AGTPBP1: variants seen among roughly 807,000 people sequenced by gnomAD.
The protein encoded by AGTPBP1 is ATP/GTP binding carboxypeptidase 1.
In AGTPBP1, 70 loss-of-function variants were observed where a neutral mutation model predicts 143.9. The ratio of observed to expected loss-of-function variants is 0.49; its 90% CI spans 0.40 to 0.59. AGTPBP1 has a LOEUF of 0.59. Ranked by LOEUF, AGTPBP1 falls within the 20% of genes least tolerant of loss-of-function variation. The pLI, the probability that AGTPBP1 is intolerant of heterozygous loss-of-function variation, is 0.00. For missense variants in AGTPBP1, 1,229 were observed against 1,464.5 expected, an observed-to-expected ratio of 0.84 and a Z score of 2.62; for synonymous variants, 463 against 500.2, an observed-to-expected ratio of 0.93 and a Z score of 0.99.
chr9:85,562,820 T>A (rs962149911), intron 25 of AGTPBP1, among the ~76,000 whole-genome samples: 4 of 152,120 alleles, frequency 2.6e-5, no homozygotes, highest in Admixed American at 6.5e-5. Context: ...AATATTTACA[T>A]CCCCCCTCCC....
the AGTPBP1 span, among the ~76,000 whole-genome samples, chr9:85,758,660 A>G: frequency 6.6e-6 from 1 of 152,170 alleles, no homozygotes; most frequent in East Asian, 1.9e-4. Context: ...AAAGGGTCAG[A>G]GGATAAAGTT....
intron 1 of AGTPBP1, chr9:85,741,276 G>A (rs1367707638): frequency 1.0e-6 from 1 of 985,300 alleles, no homozygotes; most frequent in Non-Finnish European, 1.2e-6. Flanking sequence ...ATCCCACCTT[G>A]CTGGCGCTCA....
chr9:85,697,555 C>G (rs1398039373), intron 2 of AGTPBP1, among the ~76,000 whole-genome samples: 2 of 149,030 alleles, frequency 1.3e-5, no homozygotes, highest in Non-Finnish European at 3.0e-5. Context: ...CGGGTTCACG[C>G]CATTCTCCTG....
chr9:85,666,626 A>G (rs907014160), intron 8 of AGTPBP1, among the ~76,000 whole-genome samples: 4 of 152,114 alleles, frequency 2.6e-5, no homozygotes, highest in African/African-American at 7.2e-5. Flanking sequence ...ACTGATTTCC[A>G]TAAGGTTTTG....
the AGTPBP1 span, among the ~76,000 whole-genome samples, chr9:85,750,739 A>G: frequency 6.6e-6 from 1 of 152,106 alleles, no homozygotes; most frequent in Non-Finnish European, 1.5e-5. Context: ...CTGGCCCCTG[A>G]TGATGAAACC....
chr9:85,753,361 T>C, the AGTPBP1 span: 68 of 1,613,968 alleles, frequency 4.2e-5, no homozygotes, highest in East Asian at 1.5e-3. Flanking sequence ...GCTGAGGACC[T>C]TGATGCATGT....
the AGTPBP1 span, among the ~76,000 whole-genome samples, chr9:85,751,879 T>G: frequency 6.6e-6 from 1 of 151,408 alleles, no homozygotes; most frequent in African/African-American, 2.4e-5. Flanking sequence ...AGTGCTGGAT[T>G]ACAGGCATGA....
At chr9:85,636,930 C>T (rs1832095584) in intron 13 of AGTPBP1, among the ~76,000 whole-genome samples, 1 of 151,726 alleles carries the variant, frequency 6.6e-6, no homozygotes, top group Non-Finnish European at 1.5e-5. Flanking sequence ...TTAAAAGCCA[C>T]CAAAAATAGT....
At chr9:85,739,238 C>A (rs1364742541) in intron 1 of AGTPBP1, among the ~76,000 whole-genome samples, 1 of 152,160 alleles carries the variant, frequency 6.6e-6, no homozygotes, top group African/African-American at 2.4e-5. Context: ...GCCCACCCTA[C>A]AAAATTTATG....
chr9:85,619,064 C>T lies in AGTPBP1; in HGVS notation c.2254G>A (p.Glu752Lys). The T allele has an allele frequency of 6.2e-7, 1 of 1,613,736 alleles. No individual in the cohort carries two copies. The highest frequency in any genetic ancestry group is 8.5e-7 in the Non-Finnish European group (1 of 1,179,840). The change falls in exon 17 of 26, where the codon GAA (glutamate) becomes AAA (lysine). Residue 752 changes from glutamate to lysine, a missense_variant. Physicochemically the swap from Glu to Lys is moderately conservative, Grantham distance 56. This residue lies in a region of AGTPBP1 where 486 missense variants were observed against 652.3 expected (regional missense o/e 0.75). Coordinates refer to ENST00000357081, the MANE Select transcript of AGTPBP1 (RefSeq NM_001330701.2). ...SNHYHQWFYF[E>K]VSGMRPGVAY... ...ACACCTGGTCGCATTCCACTGACTT[C>T]AAAGTAAAACCACTGATGATAATGA...
At chr9:85,603,881 T>C (rs1033059255) in intron 17 of AGTPBP1, among the ~76,000 whole-genome samples, 1 of 151,560 alleles carries the variant, frequency 6.6e-6, no homozygotes, top group Non-Finnish European at 1.5e-5. Flanking sequence ...GTGATGGATA[T>C]GGGAAAAGAC....
rs375934757 is a variant in AGTPBP1 at position 85,619,055 on chromosome 9, C to T, written c.2263G>A (p.Gly755Arg). The T allele has an allele frequency of 1.2e-5, 20 of 1,613,720 alleles. No individual in the cohort carries two copies. The African/African-American group carries it at 2.4e-4, about 19-fold the overall frequency. Reference protein sequence around the residue: ...YHQWFYFEVSGMRPGVAYRFN... With the variant: ...YHQWFYFEVSRMRPGVAYRFN... Reference sequence around the variant, plus strand: ...CTGTAAGCAACACCTGGTCGCATTCCACTGACTTCAAAGTAAAACCACTGA... The same window carrying T: ...CTGTAAGCAACACCTGGTCGCATTCTACTGACTTCAAAGTAAAACCACTGA... Residue 755 changes from glycine (G) to arginine (R), a missense_variant, in exon 17 of 26, where the codon GGA (glycine) becomes AGA (arginine). Physicochemically the swap from Gly to Arg is moderately radical, Grantham distance 125 (BLOSUM62 -2). Around this residue, in one of 2 missense-constraint regions of AGTPBP1, gnomAD observed 486 missense variants for 652.3 expected, o/e 0.75. Coordinates refer to ENST00000357081, the MANE Select transcript of AGTPBP1 (RefSeq NM_001330701.2).
chr9:85,627,651 T>C (rs139362463), intron 14 of AGTPBP1, among the ~76,000 whole-genome samples: 30 of 152,130 alleles, frequency 2.0e-4, no homozygotes, highest in African/African-American at 6.5e-4. Context: ...TTTGTGGATT[T>C]TCCTTCCCCT....
the AGTPBP1 span, among the ~76,000 whole-genome samples, chr9:85,750,453 G>C: frequency 6.6e-6 from 1 of 152,142 alleles, no homozygotes; most frequent in African/African-American, 2.4e-5. Flanking sequence ...TCCATGTCAT[G>C]ATTATTGCTG....
intron 17 of AGTPBP1, among the ~76,000 whole-genome samples, chr9:85,613,366 G>C (rs1158062035): frequency 6.6e-6 from 1 of 151,732 alleles, no homozygotes; most frequent in Non-Finnish European, 1.5e-5. Flanking sequence ...TAGAAATAAT[G>C]AATAAACCAG....
At chr9:85,805,245 C>G in the AGTPBP1 span, 97 of 152,462 alleles carry the variant, frequency 6.4e-4, no homozygotes, top group Non-Finnish European at 1.2e-3. Context: ...AACAAACCCC[C>G]GCGCTCGGCG....
intron 17 of AGTPBP1, among the ~76,000 whole-genome samples, chr9:85,614,476 G>T (rs1214945627): frequency 1.3e-5 from 2 of 151,938 alleles, no homozygotes; most frequent in East Asian, 3.8e-4. Flanking sequence ...AAAAAAACTT[G>T]AATCAACAAA....
chr9:85,737,519 A>G (rs998121592), intron 1 of AGTPBP1, among the ~76,000 whole-genome samples: 1 of 152,266 alleles, frequency 6.6e-6, no homozygotes, highest in African/African-American at 2.4e-5. Flanking sequence ...TGTCATGTCA[A>G]GACCTAAACA....
intron 8 of AGTPBP1, among the ~76,000 whole-genome samples, chr9:85,666,335 CA>C (rs1330689848): frequency 1.3e-5 from 2 of 152,074 alleles, no homozygotes; most frequent in Non-Finnish European, 2.9e-5. Flanking sequence ...CATAACCCTC[CA>C]AATACAACTC....
Sources: gnomAD v4.1 joint callset for allele counts (sites outside exome capture counted in the v4.1 genomes callset) on GRCh38, gnomAD v4.1.1 for gene constraint, gnomAD v4.1.1 regional missense constraint, MANE v1.5 for transcripts, NCBI Gene and HGNC (gene_info 2026-07-23, HGNC 2026-07-21) for gene names.